NOL9: variants seen among roughly 807,000 people sequenced by gnomAD.
NOL9 encodes polynucleotide 5'-hydroxyl-kinase NOL9.
NOL9 carries 28 observed loss-of-function variants against 67.9 expected under a neutral mutation model. That is an observed-to-expected ratio of 0.41 (90% CI 0.31 to 0.57). NOL9 has a LOEUF of 0.57. NOL9 is among the 20% of genes least tolerant of loss of function. The probability of loss-of-function intolerance (pLI) is 0.25; values close to 1 mark genes in which losing one functional copy is unlikely to be tolerated. For missense variants in NOL9, 777 were observed against 897.0 expected (o/e 0.87, Z 1.71); for synonymous variants, 356 against 352.2 (o/e 1.01, Z -0.12).
intron 5 of NOL9, 118 bp downstream of exon 5, chr1:6,544,708 C>T (rs368225601): frequency 9.7e-7 from 1 of 1,032,260 alleles, no homozygotes; most frequent in Non-Finnish European, 1.5e-6. Context: ...AGCTGGGCAG[C>T]TTTAGACCTG....
rs1570027311 is a variant in NOL9, at chr1:6,523,666, G to A, written c.*2188C>T. The stretch of plus-strand genomic sequence containing the variant: ...TGTCATCCTGGAGAATGGTGCTGCT[G>A]CAGGTCTGACCGGCACAAGCTAGAC... On this transcript the variant is annotated 3_prime_UTR_variant, in exon 12 of 12. Transcript: ENST00000377705. 6.6e-6 allele frequency: 1 copy of A among 151,286 alleles called. No individual in the cohort carries two copies. Among genetic ancestry groups the A allele is most frequent in the African/African-American group, 2.4e-5 (1 of 41,048 alleles). The allele number at this position is 151,286 out of a possible 1,614,324, so 9.4% of individuals were successfully genotyped here. A position where few individuals can be genotyped will look rare whatever the true frequency, so the allele number is the denominator to read the frequency against.
intron 6 of NOL9, among the ~76,000 whole-genome samples, chr1:6,534,022 G>A (rs1306426638): frequency 3.3e-5 from 5 of 152,022 alleles, no homozygotes; most frequent in African/African-American, 1.2e-4. Flanking sequence ...CAAGTAGCTG[G>A]GATTACAGGC....
At position 6,525,982 on chromosome 1, in the gene NOL9, G is replaced by T. The variant is rs1315777790; in HGVS notation, c.1981C>A (p.Pro661Thr). Residue 661 changes from proline to threonine, a missense_variant, in exon 12 of 12, where the codon CCT becomes ACT. Pro to Thr is a conservative substitution (Grantham distance 38, BLOSUM62 -1). This residue lies in a region of NOL9 where 413 missense variants were observed against 552.6 expected (regional missense o/e 0.75). Transcript: ENST00000377705. ...AAATTGTAATCCGTTGTGACATAAG[G>T]TACTGTCCCTTCGATCCCACGCTGA... ...KCQRGIEGTV[P>T]YVTTDYNFKL... 6.2e-7 allele frequency: 1 copy of T among 1,613,916 alleles called. No individual in the cohort carries two copies. The highest frequency in any genetic ancestry group is 8.5e-7 in the Non-Finnish European group (1 of 1,179,852).
At chr1:6,533,576 C>T in intron 6 of NOL9, 135 bp from the exon 7 acceptor site, 1 of 559,976 alleles carries the variant, frequency 1.8e-6, no homozygotes, top group Admixed American at 3.8e-5. Flanking sequence ...ATCCTACCTA[C>T]AGGAACACTC....
chr1:6,525,716 T>G lies in NOL9; in HGVS notation c.*138A>C. Reference sequence around the variant, plus strand: ...AGAAACTTAAGACTACTATATGACATTCACGAATTACACAAAAAACACTGT... The same window carrying G: ...AGAAACTTAAGACTACTATATGACAGTCACGAATTACACAAAAAACACTGT... On this transcript the variant is annotated 3_prime_UTR_variant, in exon 12 of 12. Transcript: ENST00000377705. The G allele has an allele frequency of 1.1e-6, 1 of 871,268 alleles. No individual in the cohort carries two copies. The highest frequency in any genetic ancestry group is 1.8e-6 in the Non-Finnish European group (1 of 547,174). The allele number at this position is 871,268 out of a possible 1,614,324, so 54.0% of individuals were successfully genotyped here.
intron 5 of NOL9, among the ~76,000 whole-genome samples, chr1:6,544,521 A>T (rs372927970): frequency 2.8e-5 from 1 of 35,830 alleles, no homozygotes; most frequent in Non-Finnish European, 9.0e-5. Context: ...AAACACACAC[A>T]CACACACGCA....
chr1:6,527,376 C>T (rs942897204), intron 10 of NOL9, among the ~76,000 whole-genome samples: 1 of 151,792 alleles, frequency 6.6e-6, no homozygotes, highest in Non-Finnish European at 1.5e-5. Context: ...GGGCCAGCTG[C>T]GGTGGCTATG....
At chr1:6,547,581 C>T (rs1570080231) in intron 3 of NOL9, among the ~76,000 whole-genome samples, 1 of 151,792 alleles carries the variant, frequency 6.6e-6, no homozygotes, top group South Asian at 2.1e-4. Context: ...AGAGGTGAGG[C>T]CAGACACGGT....
At chr1:6,526,175 G>A (rs577798570) in intron 11 of NOL9, among the ~76,000 whole-genome samples, 172 bp from the exon 12 acceptor site, 7 of 152,170 alleles carry the variant, frequency 4.6e-5, no homozygotes, top group Non-Finnish European at 8.8e-5. Context: ...CAACTGGCTC[G>A]GTAACAAACG....
intron 3 of NOL9, chr1:6,548,545 G>A (rs563140213): frequency 4.8e-4 from 170 of 351,478 alleles, no homozygotes; most frequent in Non-Finnish European, 1.3e-4. Flanking sequence ...ACAGGATCAA[G>A]CGTGCTTTCC....
intron 10 of NOL9, among the ~76,000 whole-genome samples, chr1:6,528,220 T>G (rs1213640415): frequency 6.6e-6 from 1 of 152,212 alleles, no homozygotes; most frequent in Admixed American, 6.5e-5. Context: ...CTGGGCACTT[T>G]GAGCCCTGGT....
rs1220210956 is a variant in NOL9, at chr1:6,525,986, T to C, written c.1977A>G (p.Thr659=). ...VLKCQRGIEG[T]VPYVTTDYNF... Reference sequence around the variant, plus strand: ...TGTAATCCGTTGTGACATAAGGTACTGTCCCTTCGATCCCACGCTGAAACG... The same window carrying C: ...TGTAATCCGTTGTGACATAAGGTACCGTCCCTTCGATCCCACGCTGAAACG... The change falls in exon 12 of 12, where the codon ACA becomes ACG. Residue 659 remains threonine (T), a synonymous_variant. Coordinates refer to ENST00000377705, the MANE Select transcript of NOL9 (RefSeq NM_024654.5). 2.5e-6 allele frequency: 4 copies of C among 1,614,014 alleles called. No homozygotes were observed. The highest frequency in any genetic ancestry group is 1.7e-4 in the Middle Eastern group (1 of 6,060).
At chr1:6,534,518 G>A (rs1392871846) in intron 6 of NOL9, among the ~76,000 whole-genome samples, 1 of 152,154 alleles carries the variant, frequency 6.6e-6, no homozygotes, top group African/African-American at 2.4e-5. Flanking sequence ...TGGCCACTAT[G>A]ATGGGAGCTG....
chr1:6,543,801 T>A (rs1339012696), intron 5 of NOL9, among the ~76,000 whole-genome samples: 1 of 151,706 alleles, frequency 6.6e-6, no homozygotes, highest in African/African-American at 2.4e-5. Flanking sequence ...CATGGCAAGA[T>A]CCTCTGTCTA....
chr1:6,546,251 T>C (rs1639420037), intron 3 of NOL9, among the ~76,000 whole-genome samples: 1 of 152,070 alleles, frequency 6.6e-6, no homozygotes, highest in African/African-American at 2.4e-5. Context: ...GAAAAACAGA[T>C]AAAGCTGAAA....
Position 6,545,025 on chromosome 1 carries a change from G to C in NOL9, c.880+20C>G. The stretch of plus-strand genomic sequence containing the variant: ...GGTCTGGTGGACAGACATTCAGGGT[G>C]ATCAATGTGTATTACTCACCACAGG... On this transcript the variant is annotated intron_variant, in intron 4 of 11. Transcript: ENST00000377705. 6.2e-7 allele frequency: 1 copy of C among 1,614,068 alleles called. No individual in the cohort carries two copies. Among genetic ancestry groups the C allele is most frequent in the Non-Finnish European group, 8.5e-7 (1 of 1,179,960 alleles).
Position 6,532,035 on chromosome 1 carries a change from T to G in NOL9, c.1580A>C (p.Tyr527Ser), listed in dbSNP as rs780154041. The G allele has an allele frequency of 6.2e-7, 1 of 1,614,186 alleles. No homozygotes were observed. The highest frequency in any genetic ancestry group is 2.2e-5 in the East Asian group (1 of 44,874). Residue 527 changes from tyrosine (Y) to serine (S), a missense_variant, in exon 9 of 12, where the codon TAC (tyrosine) becomes TCC (serine). Tyr to Ser is a moderately radical substitution (Grantham distance 144, BLOSUM62 -2). Around this residue, in one of 2 missense-constraint regions of NOL9, gnomAD observed 413 missense variants for 552.6 expected, o/e 0.75. Transcript: ENST00000377705. Reference protein sequence around the residue: ...KILRDLSILSYLSQLQPPMPK... With the variant: ...KILRDLSILSSLSQLQPPMPK... ...CATCGGGGGCTGCAGCTGGCTAAGG[T>G]AACTCAAGATGGACAGATCTCGAAG...
At chr1:6,543,386 G>C (rs144725696) in intron 5 of NOL9, among the ~76,000 whole-genome samples, 1 of 152,044 alleles carries the variant, frequency 6.6e-6, no homozygotes, top group Non-Finnish European at 1.5e-5. Context: ...TAGTAGAGAC[G>C]GGGTTTCCCC....
intron 6 of NOL9, among the ~76,000 whole-genome samples, chr1:6,538,962 A>G (rs1639215819): frequency 6.6e-6 from 1 of 152,180 alleles, no homozygotes; most frequent in Admixed American, 6.6e-5. Flanking sequence ...AAAGAGCAAG[A>G]CTCTGTCTCA....
Sources: allele counts gnomAD v4.1 joint callset (sites outside exome capture counted in the v4.1 genomes callset), GRCh38; gene constraint gnomAD v4.1.1; regional missense constraint gnomAD v4.1.1; transcripts MANE v1.5; gene names NCBI Gene and HGNC (gene_info 2026-07-23, HGNC 2026-07-21).